Variants in MED19 observed in about 807,000 individuals in gnomAD.
MED19 encodes mediator complex subunit 19.
Under a neutral mutation model 19.9 loss-of-function variants are expected in MED19, and 4 were observed. The observed-to-expected ratio is 0.20, with a 90% CI of 0.10 to 0.46. The LOEUF (loss-of-function observed/expected upper bound fraction) is 0.46. Among genes scored for constraint, MED19 ranks in the 20% least tolerant of loss-of-function variants. The probability of loss-of-function intolerance (pLI) is 0.99; values close to 1 mark genes in which losing one functional copy is unlikely to be tolerated. For missense variants in MED19, 303 were observed against 318.7 expected (o/e 0.95, Z 0.38); for synonymous variants, 139 against 119.6 (o/e 1.16, Z -1.06).
exon 1 of MED19, chr11:57,712,030 C>A: frequency 6.5e-7 from 1 of 1,535,988 alleles, no homozygotes; most frequent in Non-Finnish European, 8.8e-7. Context: ...CAGGAGGAGC[C>A]GTGGCCGCGG....
At chr11:57,704,085 G>C in exon 5 of MED19, 2 of 1,536,156 alleles carry the variant, frequency 1.3e-6, no homozygotes, top group Non-Finnish European at 1.7e-6. Context: ...CCCATACCTG[G>C]GTGGTCTGGA....
intron 1 of MED19, among the ~76,000 whole-genome samples, chr11:57,711,738 C>T (rs942734499): frequency 1.3e-5 from 2 of 152,172 alleles, no homozygotes; most frequent in African/African-American, 4.8e-5. Context: ...AGATGCACTA[C>T]GCCCCTGCCC....
chr11:57,704,172 G>A, intron 4 of MED19, 66 bp from the exon 5 acceptor site: 2 of 1,531,110 alleles, frequency 1.3e-6, no homozygotes, highest in Non-Finnish European at 1.7e-6. Context: ...AGGCTGTACA[G>A]GAGAAACCTG....
Position 57,712,052 on chromosome 11 carries a change from G to T in MED19, c.128C>A (p.Ala43Asp), listed in dbSNP as rs770166495. ...AGCCGTGGCCGCGGTGGGAGGCGGG[G>T]CCGTGCCGGGTCCCCCGCCCGCAGG... Residue 43 changes from alanine to aspartate, a missense_variant, in exon 1 of 5, where the codon GCC (alanine) becomes GAC (aspartate). Transcript: ENST00000431606. 9 of 1,536,472 alleles carry T rather than the reference G, an allele frequency of 5.9e-6. No homozygotes were observed. In the Middle Eastern group the frequency reaches 1.7e-3, roughly 294 times the overall value.
At chr11:57,712,124 G>A in exon 1 of MED19, 1 of 1,530,102 alleles carries the variant, frequency 6.5e-7, no homozygotes, top group Non-Finnish European at 8.8e-7. Context: ...GCCGAGTGCG[G>A]TTGGGGGCGG....
chr11:57,704,336 C>T (rs1946482209), exon 4 of MED19: 1 of 1,535,360 alleles, frequency 6.5e-7, no homozygotes, highest in Non-Finnish European at 8.7e-7. Context: ...CTTCCTTTTC[C>T]GTTCAGGATC....
chr11:57,708,734 C>T (rs980537839), intron 1 of MED19, among the ~76,000 whole-genome samples: 1 of 152,156 alleles, frequency 6.6e-6, no homozygotes, highest in Non-Finnish European at 1.5e-5. Flanking sequence ...ATCTCTCTCT[C>T]CATCTCACCC....
exon 3 of MED19, chr11:57,704,756 C>G: frequency 6.7e-7 from 1 of 1,500,848 alleles, no homozygotes; most frequent in Non-Finnish European, 8.9e-7. Flanking sequence ...TCTGTTTGTG[C>G]TTGTGCTTAT....
chr11:57,711,856 A>T (rs1001921971), intron 1 of MED19, 107 bp downstream of exon 1: 1 of 1,228,038 alleles, frequency 8.1e-7, no homozygotes, highest in Non-Finnish European at 1.1e-6. Context: ...CAGTCCGGGT[A>T]TGCGTTGCCT....
At chr11:57,703,789 AG>A in exon 5 of MED19, 1 of 458,428 alleles carries the variant, frequency 2.2e-6, no homozygotes. Context: ...CACAAAAGAG[AG>A]AGAAGAAAAT....
At chr11:57,707,355 T>C (rs1946521156) in intron 1 of MED19, among the ~76,000 whole-genome samples, 1 of 152,224 alleles carries the variant, frequency 6.6e-6, no homozygotes, top group African/African-American at 2.4e-5. Flanking sequence ...TTTGTAATTA[T>C]GATAGACACA....
Position 57,704,669 on chromosome 11 carries a change from G to GTTTT in MED19, c.571+46_571+49dup, listed in dbSNP as rs34198151. The GTTTT allele has an allele frequency of 5.1e-3, 6,551 of 1,272,590 alleles. 5 individuals carry two copies. The highest frequency in any genetic ancestry group is 8.1e-3 in the South Asian group (569 of 69,902). 78.8% of individuals were successfully genotyped at this position (1,272,590 alleles called of 1,614,324 possible). A position where few individuals can be genotyped will look rare whatever the true frequency, so the allele number is the denominator to read the frequency against. On this transcript the variant is annotated intron_variant, in intron 3 of 4. Coordinates refer to ENST00000431606, the Ensembl canonical transcript of MED19. ...GTTCAAACCAGATTCAGAAGGTCAG[G>GTTTT]TTTTTTTTTTTTTTTTTTTTTTTTT...
intron 1 of MED19, among the ~76,000 whole-genome samples, chr11:57,705,511 A>G (rs565876932): frequency 2.3e-4 from 35 of 152,128 alleles, no homozygotes; most frequent in Non-Finnish European, 4.6e-4. Flanking sequence ...AAAATTAGCC[A>G]GGCGTGGTAG....
intron 1 of MED19, among the ~76,000 whole-genome samples, chr11:57,708,742 C>G (rs1050530352): frequency 6.6e-6 from 1 of 152,140 alleles, no homozygotes; most frequent in Non-Finnish European, 1.5e-5. Context: ...CTCCATCTCA[C>G]CCGCCTCATA....
At chr11:57,706,057 A>AT (rs1488680824) in intron 1 of MED19, among the ~76,000 whole-genome samples, 3 of 150,984 alleles carry the variant, frequency 2.0e-5, no homozygotes, top group East Asian at 3.9e-4. Flanking sequence ...GAACTGGGAG[A>AT]TTTTTTTCTA....
exon 5 of MED19, chr11:57,703,818 AG>A: frequency 3.8e-6 from 2 of 522,822 alleles, no homozygotes; most frequent in Non-Finnish European, 6.3e-6. Flanking sequence ...TTCCTGGGAG[AG>A]GAAGAGATGT....
exon 1 of MED19, chr11:57,712,197 C>A: frequency 6.6e-7 from 1 of 1,504,966 alleles, no homozygotes; most frequent in Admixed American, 2.3e-5. Flanking sequence ...TCCGCCCCGG[C>A]GCTGTCTCCG....
At chr11:57,712,134 G>C in exon 1 of MED19, 1 of 1,531,302 alleles carries the variant, frequency 6.5e-7, no homozygotes, top group South Asian at 1.2e-5. Context: ...GTTGGGGGCG[G>C]TGGTGGGTCA....
At chr11:57,709,120 G>A (rs993867660) in intron 1 of MED19, among the ~76,000 whole-genome samples, 1 of 152,184 alleles carries the variant, frequency 6.6e-6, no homozygotes, top group Non-Finnish European at 1.5e-5. Flanking sequence ...AGTGGCTCAC[G>A]CCTGTAATCC....
Sources: allele counts gnomAD v4.1 joint callset (sites outside exome capture counted in the v4.1 genomes callset), GRCh38; gene constraint gnomAD v4.1.1; transcripts MANE v1.5; gene names NCBI Gene and HGNC (gene_info 2026-07-23, HGNC 2026-07-21).